Variants in FER1L6 observed in about 807,000 individuals in gnomAD.
The protein encoded by FER1L6 is fer-1-like protein 6.
In FER1L6, 177 loss-of-function variants were observed where a neutral mutation model predicts 219.2. That is an observed-to-expected ratio of 0.81 (90% CI 0.71 to 0.91). The LOEUF is 0.91. Among genes scored for constraint, FER1L6 ranks in the 40% least tolerant of loss-of-function variants. FER1L6 has a pLI of 0.00. For missense variants in FER1L6, 2,153 were observed against 2,259.9 expected, an observed-to-expected ratio of 0.95 and a Z score of 0.96; for synonymous variants, 768 against 824.3, an observed-to-expected ratio of 0.93 and a Z score of 1.17.
At chr8:123,855,342 G>T (rs1417133316) in intron 1 of FER1L6, among the ~76,000 whole-genome samples, 1 of 152,146 alleles carries the variant, frequency 6.6e-6, no homozygotes, top group African/African-American at 2.4e-5. Flanking sequence ...CTGGCAGGCA[G>T]GGAGTTGGTT....
chr8:123,899,828 G>GA, intron 1 of FER1L6, among the ~76,000 whole-genome samples: 1 of 152,060 alleles, frequency 6.6e-6, no homozygotes, highest in Non-Finnish European at 1.5e-5. Flanking sequence ...TTATTTCCGA[G>GA]TTCTCTATTC....
intron 1 of FER1L6, among the ~76,000 whole-genome samples, chr8:123,854,485 A>G (rs998611386): frequency 6.6e-5 from 10 of 152,166 alleles, no homozygotes; most frequent in African/African-American, 9.7e-5. Context: ...ACTTAGATTC[A>G]TTGCCACAAA....
At chr8:124,067,897 G>A (rs1820893633) in intron 28 of FER1L6, 91 bp downstream of exon 28, 2 of 976,624 alleles carry the variant, frequency 2.0e-6, no homozygotes, top group Non-Finnish European at 3.2e-6. Context: ...GTGTATTAGA[G>A]CTCAACTCCC....
chr8:123,949,552 AC>A (rs1563701774), intron 1 of FER1L6, among the ~76,000 whole-genome samples: 1 of 152,242 alleles, frequency 6.6e-6, no homozygotes, highest in African/African-American at 2.4e-5. Context: ...GGATCAAAAT[AC>A]TACCTCAATT....
Position 123,975,134 on chromosome 8 carries a change from C to T in FER1L6, c.527-16C>T, listed in dbSNP as rs992790892. On this transcript the variant is annotated splice_polypyrimidine_tract_variant and intron_variant, in intron 7 of 40. Coordinates refer to ENST00000522917, the MANE Select transcript of FER1L6 (RefSeq NM_001039112.2). Reference sequence around the variant, plus strand: ...CCCATCTGTGAAGGATGTGAGCTGTCAGGGTGCTTTCACAGGTCATCAGTT... The same window carrying T: ...CCCATCTGTGAAGGATGTGAGCTGTTAGGGTGCTTTCACAGGTCATCAGTT... 4 of 1,574,724 alleles carry T rather than the reference C, an allele frequency of 2.5e-6. No individual in the cohort carries two copies. In the African/African-American group the frequency reaches 5.4e-5, roughly 21 times the overall value.
At chr8:123,863,866 A>G (rs905321589) in intron 1 of FER1L6, among the ~76,000 whole-genome samples, 1 of 151,050 alleles carries the variant, frequency 6.6e-6, no homozygotes, top group African/African-American at 2.5e-5. Context: ...TTTTGAGCCT[A>G]TGTGTGTCTC....
chr8:123,859,565 T>A (rs1172633584), intron 1 of FER1L6, among the ~76,000 whole-genome samples: 2 of 149,860 alleles, frequency 1.3e-5, no homozygotes, highest in Admixed American at 6.7e-5. Flanking sequence ...TTTTTTTTTT[T>A]AATACTTTAA....
chr8:123,939,596 G>A (rs4871441), intron 1 of FER1L6, among the ~76,000 whole-genome samples: 2 of 152,168 alleles, frequency 1.3e-5, no homozygotes, highest in East Asian at 1.9e-4. Context: ...CCTGCAGGTC[G>A]TTGGGGAGTC....
In FER1L6 at chr8:124,095,050, G is replaced by A. The variant is rs2130959651; in HGVS notation, c.4695+12G>A. The A allele has an allele frequency of 6.2e-7, 1 of 1,613,894 alleles. No individual in the cohort carries two copies. Among genetic ancestry groups the A allele is most frequent in the Non-Finnish European group, 8.5e-7 (1 of 1,179,880 alleles). ...CAGGAATGGAGCAGGTAGTGGGCAA[G>A]ACTATTCTGGCCCTAAAAGTTAATC... On this transcript the variant is annotated intron_variant, in intron 35 of 40. Coordinates refer to ENST00000522917, the MANE Select transcript of FER1L6 (RefSeq NM_001039112.2).
intron 21 of FER1L6, among the ~76,000 whole-genome samples, chr8:124,049,379 T>A (rs1016795631): frequency 6.6e-6 from 1 of 151,982 alleles, no homozygotes; most frequent in Non-Finnish European, 1.5e-5. Context: ...CCTTTTAGGA[T>A]CATACAGGGT....
At chr8:123,965,612 G>A (rs555951881) in intron 3 of FER1L6, among the ~76,000 whole-genome samples, 76 of 152,278 alleles carry the variant, frequency 5.0e-4, no homozygotes, top group African/African-American at 1.7e-3. Context: ...ATGGAATCAG[G>A]CAGGAGACTG....
chr8:124,026,650 G>A (rs570999681), intron 18 of FER1L6, among the ~76,000 whole-genome samples: 2 of 152,218 alleles, frequency 1.3e-5, no homozygotes, highest in African/African-American at 2.4e-5. Flanking sequence ...CATGGCAGCA[G>A]GTAGCTAAAT....
intron 18 of FER1L6, among the ~76,000 whole-genome samples, chr8:124,027,337 T>C (rs546783731): frequency 2.2e-4 from 34 of 152,330 alleles, no homozygotes; most frequent in African/African-American, 7.7e-4. Context: ...GGATAAAGAA[T>C]GTTCATCCTA....
intron 1 of FER1L6, among the ~76,000 whole-genome samples, chr8:123,917,500 G>A (rs766607804): frequency 2.0e-5 from 3 of 152,176 alleles, no homozygotes; most frequent in Non-Finnish European, 4.4e-5. Context: ...AAAGGACTAG[G>A]AGTCAGTTTT....
chr8:124,049,830 C>G lies in FER1L6; in HGVS notation c.2874+74C>G, dbSNP rs138771662. On this transcript the variant is annotated intron_variant, in intron 22 of 40. Coordinates refer to ENST00000522917, the MANE Select transcript of FER1L6 (RefSeq NM_001039112.2). Reference sequence around the variant, plus strand: ...AGAAGTGGCCTCACCACAAATGCCACTTCAATGAAGCTGTGCCTGATCCCT... The same window carrying G: ...AGAAGTGGCCTCACCACAAATGCCAGTTCAATGAAGCTGTGCCTGATCCCT... 7,253 of 1,467,432 alleles carry G rather than the reference C, an allele frequency of 4.9e-3. 31 individuals carry two copies. The highest frequency in any genetic ancestry group is 6.2e-3 in the Non-Finnish European group (6,511 of 1,049,784). The allele number at this position is 1,467,432 out of a possible 1,614,324, so 90.9% of individuals were successfully genotyped here.
intron 12 of FER1L6, among the ~76,000 whole-genome samples, chr8:123,998,744 T>C (rs1280279597): frequency 1.3e-5 from 2 of 152,184 alleles, no homozygotes; most frequent in African/African-American, 4.8e-5. Context: ...TTTTCTATTC[T>C]ACTGCGGCTG....
At chr8:123,867,922 C>A (rs1010969970) in intron 1 of FER1L6, among the ~76,000 whole-genome samples, 14 of 152,206 alleles carry the variant, frequency 9.2e-5, no homozygotes, top group African/African-American at 3.1e-4. Flanking sequence ...AGGTCCTGTT[C>A]TGCTCTCTAC....
chr8:124,053,696 A>G (rs1820152082), intron 22 of FER1L6, among the ~76,000 whole-genome samples: 1 of 152,066 alleles, frequency 6.6e-6, no homozygotes, highest in Non-Finnish European at 1.5e-5. Flanking sequence ...CCGTCTCTAC[A>G]AAACATAAAA....
At chr8:124,070,692 T>G in intron 30 of FER1L6, 94 bp downstream of exon 30, 2 of 1,132,800 alleles carry the variant, frequency 1.8e-6, no homozygotes, top group Non-Finnish European at 2.4e-6. Flanking sequence ...GTGTGGGATG[T>G]GTGTAGGGAA....
Sources: allele counts gnomAD v4.1 joint callset (sites outside exome capture counted in the v4.1 genomes callset), GRCh38; gene constraint gnomAD v4.1.1; transcripts MANE v1.5; gene names NCBI Gene and HGNC (gene_info 2026-07-23, HGNC 2026-07-21).